AOAH: variants seen among roughly 807,000 people sequenced by gnomAD.
AOAH encodes the protein acyloxyacyl hydrolase.
AOAH carries 64 observed loss-of-function variants against 92.2 expected under a neutral mutation model. The observed-to-expected ratio is 0.69, with a 90% CI of 0.57 to 0.86. The LOEUF is 0.86. Ranked by LOEUF, AOAH falls within the 40% of genes least tolerant of loss-of-function variation. AOAH has a pLI of 0.00. For missense variants in AOAH, 656 were observed against 694.6 expected, an observed-to-expected ratio of 0.94 and a Z score of 0.62; for synonymous variants, 263 against 254.5, an observed-to-expected ratio of 1.03 and a Z score of -0.32.
At chr7:36,714,451 G>A (rs529488104) in intron 1 of AOAH, among the ~76,000 whole-genome samples, 170 of 152,302 alleles carry the variant, frequency 1.1e-3, no homozygotes, top group African/African-American at 3.6e-3. Flanking sequence ...AATAGAAAAA[G>A]AGGGAATCCT....
intron 2 of AOAH, among the ~76,000 whole-genome samples, chr7:36,680,934 G>A (rs965147612): frequency 2.6e-5 from 4 of 152,132 alleles, no homozygotes; most frequent in South Asian, 4.1e-4. Context: ...TTTCCTGTTC[G>A]AAGTCAGAAG....
At position 36,620,855 on chromosome 7, in the gene AOAH, C is replaced by G. The variant is rs375265698; in HGVS notation, c.654-26G>C. The G allele has an allele frequency of 8.7e-6, 14 of 1,609,646 alleles. No individual in the cohort carries two copies. In the Admixed American group the frequency reaches 2.2e-4, roughly 25 times the overall value. On this transcript the variant is annotated intron_variant, in intron 8 of 20. Transcript: ENST00000617537. ...CTAAGAAAAAAACATTAACATTGGT[C>G]TTTGACATATGCTTGTCTCTCAGTG... is the stretch of plus-strand genomic sequence containing the variant.
At chr7:36,519,135 C>T (rs924822726) in intron 20 of AOAH, among the ~76,000 whole-genome samples, 1 of 152,208 alleles carries the variant, frequency 6.6e-6, no homozygotes, top group African/African-American at 2.4e-5. Flanking sequence ...CTATTTCTTT[C>T]TTGCTTGAGA....
intron 12 of AOAH, 98 bp downstream of exon 12, chr7:36,594,241 A>G (rs1189422278): frequency 1.1e-6 from 1 of 931,954 alleles, no homozygotes. Flanking sequence ...AGCAGTTCCT[A>G]ATAATTCGCA....
chr7:36,704,804 T>C (rs922680891), intron 1 of AOAH, among the ~76,000 whole-genome samples: 15 of 152,168 alleles, frequency 9.9e-5, no homozygotes, highest in Admixed American at 7.9e-4. Flanking sequence ...TATGAGCAAG[T>C]CAGCTTCATC....
In AOAH at chr7:36,724,097, A is replaced by T; in HGVS notation, c.52T>A (p.Ser18Thr). 6.2e-7 allele frequency: 1 copy of T among 1,613,774 alleles called. No individual in the cohort carries two copies. Among genetic ancestry groups the T allele is most frequent in the Non-Finnish European group, 8.5e-7 (1 of 1,179,768 alleles). ...LTVAPLFLLL[S>T]LQSSASPAND... is the part of the protein sequence containing the mutation. ...GCTGGAGAGGCCGAGGACTGAAGAG[A>T]CAGGAGCAAGAATAGAGGCGCCACC... The change falls in exon 1 of 21, where the codon TCT becomes ACT. Residue 18 changes from serine (S) to threonine (T), a missense_variant. Ser to Thr is a moderately conservative substitution (Grantham distance 58). Coordinates refer to ENST00000617537, the MANE Select transcript of AOAH (RefSeq NM_001637.4).
intron 9 of AOAH, among the ~76,000 whole-genome samples, chr7:36,619,372 T>C (rs868448546): frequency 6.6e-6 from 1 of 152,324 alleles, no homozygotes. Context: ...CCTGAGCTCA[T>C]GGTGGATTTC....
chr7:36,579,906 A>C (rs898696455), intron 12 of AOAH, among the ~76,000 whole-genome samples: 1 of 152,204 alleles, frequency 6.6e-6, no homozygotes, highest in African/African-American at 2.4e-5. Flanking sequence ...CTCAGTATTA[A>C]CCATCACAGT....
chr7:36,513,237 A>C lies in AOAH; in HGVS notation c.*15T>G, dbSNP rs752346284. The C allele has an allele frequency of 8.7e-6, 14 of 1,614,050 alleles. No individual in the cohort carries two copies. In the East Asian group the frequency reaches 2.9e-4, roughly 33 times the overall value. On this transcript the variant is annotated 3_prime_UTR_variant, in exon 21 of 21. Coordinates refer to ENST00000617537, the MANE Select transcript of AOAH (RefSeq NM_001637.4). Reference sequence around the variant, plus strand: ...GCCTCCCTGTGCTCCCCAGGGGTGCATGCTCCTGAGAGGCTCAGTGCCCGC... The same window carrying C: ...GCCTCCCTGTGCTCCCCAGGGGTGCCTGCTCCTGAGAGGCTCAGTGCCCGC...
chr7:36,562,057 C>G (rs1450005055), intron 13 of AOAH, among the ~76,000 whole-genome samples: 1 of 152,200 alleles, frequency 6.6e-6, no homozygotes, highest in East Asian at 1.9e-4. Flanking sequence ...CTAGAATTCT[C>G]TTTGCTCCAA....
intron 4 of AOAH, among the ~76,000 whole-genome samples, chr7:36,651,894 G>A (rs1410299706): frequency 6.6e-6 from 1 of 152,080 alleles, no homozygotes; most frequent in African/African-American, 2.4e-5. Flanking sequence ...CACACACACA[G>A]AGACACACAT....
At position 36,654,787 on chromosome 7, in the gene AOAH, C is replaced by T. The variant is rs535190528; in HGVS notation, c.390+4379G>A. Among the ~76,000 whole-genome samples the T allele has an allele frequency of 2.4e-4, 37 of 152,266 alleles. 2 individuals carry two copies. Among genetic ancestry groups the T allele is most frequent in the African/African-American group, 6.3e-4 (26 of 41,538 alleles). ...GTTCCATTCAATGTGACAACACCTACGGAGTCTCAGTGAGGCAGAGAGCAC... is the reference window on the plus strand; with the variant it reads ...GTTCCATTCAATGTGACAACACCTATGGAGTCTCAGTGAGGCAGAGAGCAC... On this transcript the variant is annotated intron_variant, in intron 4 of 20. Coordinates refer to ENST00000617537, the MANE Select transcript of AOAH (RefSeq NM_001637.4).
rs1792406965 is a variant in AOAH, at chr7:36,623,193, G to GA, written c.578dup (p.Thr195AsnfsTer13). ...GGTTATTCCTAACAATACTTACTGG[G>GA]AAAACGCTGTATTTGTCTGAATCCA... On this transcript the variant is annotated frameshift_variant, in exon 7 of 21. Coordinates refer to ENST00000617537, the MANE Select transcript of AOAH (RefSeq NM_001637.4). LOFTEE classifies it high-confidence loss of function. The GA allele has an allele frequency of 6.2e-7, 1 of 1,613,556 alleles. No individual in the cohort carries two copies.
At chr7:36,653,824 G>C (rs1794718694) in intron 4 of AOAH, among the ~76,000 whole-genome samples, 1 of 152,188 alleles carries the variant, frequency 6.6e-6, no homozygotes, top group African/African-American at 2.4e-5. Context: ...CTGTGGTTAG[G>C]AAAGGAGTCA....
At chr7:36,573,697 G>A (rs1441106612) in intron 13 of AOAH, among the ~76,000 whole-genome samples, 3 of 152,080 alleles carry the variant, frequency 2.0e-5, no homozygotes, top group South Asian at 2.1e-4. Context: ...CAGCCTGGGC[G>A]ACAGAGCGAG....
At chr7:36,671,564 T>A (rs962993350) in intron 3 of AOAH, among the ~76,000 whole-genome samples, 1 of 152,104 alleles carries the variant, frequency 6.6e-6, no homozygotes, top group Non-Finnish European at 1.5e-5. Context: ...TGCTCATGAA[T>A]GTACATGTCT....
At chr7:36,649,502 A>G (rs1794438959) in intron 4 of AOAH, among the ~76,000 whole-genome samples, 1 of 152,206 alleles carries the variant, frequency 6.6e-6, no homozygotes, top group African/African-American at 2.4e-5. Flanking sequence ...CCGACCAATC[A>G]GGTAGGAAAG....
intron 13 of AOAH, among the ~76,000 whole-genome samples, chr7:36,556,590 A>C (rs1376813640): frequency 2.7e-5 from 4 of 149,238 alleles, no homozygotes; most frequent in Non-Finnish European, 6.0e-5. Context: ...GGGGTGTTAA[A>C]GTCTCCCATT....
At chr7:36,576,203 C>T (rs1788485841) in intron 13 of AOAH, among the ~76,000 whole-genome samples, 1 of 152,156 alleles carries the variant, frequency 6.6e-6, no homozygotes. Flanking sequence ...GACTTTGCAC[C>T]ATCAGAGAGG....
Sources: allele counts gnomAD v4.1 joint callset (sites outside exome capture counted in the v4.1 genomes callset), GRCh38; gene constraint gnomAD v4.1.1; transcripts MANE v1.5; gene names NCBI Gene and HGNC (gene_info 2026-07-23, HGNC 2026-07-21).